The following FSTL4 variants were observed in gnomAD, a reference collection of about 807,000 sequenced individuals.
FSTL4 encodes the protein follistatin like 4.
FSTL4 carries 28 observed loss-of-function variants against 78.2 expected under a neutral mutation model. The ratio of observed to expected loss-of-function variants is 0.36; its 90% confidence interval spans 0.27 to 0.49. The LOEUF (loss-of-function observed/expected upper bound fraction) is 0.49. Among genes scored for constraint, FSTL4 ranks in the 20% least tolerant of loss-of-function variants. The pLI, the probability that FSTL4 is intolerant of heterozygous loss-of-function variation, is 0.98. For synonymous variants in FSTL4, 422 were observed against 440.5 expected (o/e 0.96, Z 0.53); for missense variants, 922 against 1,084.9 (o/e 0.85, Z 2.11).
chr5:133,387,186 C>A (rs1364671173), intron 4 of FSTL4, among the ~76,000 whole-genome samples: 1 of 152,178 alleles, frequency 6.6e-6, no homozygotes, highest in Non-Finnish European at 1.5e-5. Context: ...CAGGTCAAGC[C>A]CCACTCCCTG....
intron 6 of FSTL4, among the ~76,000 whole-genome samples, chr5:133,263,060 TGACTG>T (rs1188556379): frequency 3.9e-5 from 6 of 152,114 alleles, no homozygotes; most frequent in African/African-American, 1.4e-4. Context: ...CCAACAGGCT[TGACTG>T]GATGGGGAGA....
At chr5:133,772,373 C>A in the FSTL4 span, among the ~76,000 whole-genome samples, 1 of 152,116 alleles carries the variant, frequency 6.6e-6, no homozygotes, top group Non-Finnish European at 1.5e-5. Context: ...GTGCAAAATG[C>A]AAGAATCCAA....
chr5:133,315,629 C>G (rs1753885487), intron 5 of FSTL4, among the ~76,000 whole-genome samples: 1 of 152,334 alleles, frequency 6.6e-6, no homozygotes, highest in African/African-American at 2.4e-5. Flanking sequence ...CACCGCCCCC[C>G]ACCACCCAAC....
chr5:133,284,174 GA>G (rs1753074771), intron 6 of FSTL4, among the ~76,000 whole-genome samples: 1 of 152,190 alleles, frequency 6.6e-6, no homozygotes, highest in Admixed American at 6.5e-5. Flanking sequence ...ACAGATGTGG[GA>G]GGGGGCTGCC....
chr5:133,232,191 A>G (rs1011535104), intron 8 of FSTL4, among the ~76,000 whole-genome samples: 4 of 152,142 alleles, frequency 2.6e-5, no homozygotes, highest in Admixed American at 6.5e-5. Context: ...CATCTCTGGG[A>G]GGTCTGGGCT....
chr5:133,239,532 C>T (rs1333041068), intron 7 of FSTL4, among the ~76,000 whole-genome samples: 2 of 152,192 alleles, frequency 1.3e-5, no homozygotes, highest in Non-Finnish European at 2.9e-5. Flanking sequence ...GAATCAGCAC[C>T]CTGTGTCTAG....
intron 4 of FSTL4, among the ~76,000 whole-genome samples, chr5:133,385,160 C>T (rs1000059100): frequency 8.5e-5 from 13 of 152,216 alleles, no homozygotes; most frequent in African/African-American, 2.9e-4. Flanking sequence ...GCCACCGGGC[C>T]CTCGACTAGG....
chr5:133,675,201 G>C, the FSTL4 span, among the ~76,000 whole-genome samples: 1 of 152,128 alleles, frequency 6.6e-6, no homozygotes, highest in Non-Finnish European at 1.5e-5. Context: ...GACAGGAAAA[G>C]CACCAGGGCA....
Position 133,245,337 on chromosome 5 carries a change from T to G in FSTL4, c.894+4073A>C, listed in dbSNP as rs17166440. 6.1e-3 allele frequency among the ~76,000 whole-genome samples: 933 copies of G among 152,278 alleles called. 12 individuals are homozygous for G. Among genetic ancestry groups the G allele is most frequent in the African/African-American group, 0.022 (898 of 41,544 alleles). Reference sequence around the variant, plus strand: ...TTATGTGAACTCCCTCTTGGATGCATGTTTAATCTTAGGCTGGAAAAGGCG... The same window carrying G: ...TTATGTGAACTCCCTCTTGGATGCAGGTTTAATCTTAGGCTGGAAAAGGCG... On this transcript the variant is annotated intron_variant, in intron 7 of 15. Coordinates refer to ENST00000265342, the MANE Select transcript of FSTL4 (RefSeq NM_015082.2).
At chr5:133,431,931 A>G (rs569939403) in intron 3 of FSTL4, among the ~76,000 whole-genome samples, 1 of 152,330 alleles carries the variant, frequency 6.6e-6, no homozygotes, top group Non-Finnish European at 1.5e-5. Context: ...GATACATTGG[A>G]ACCATTTTAT....
At chr5:133,615,585 A>T (rs562049115), upstream of FSTL4, among the ~76,000 whole-genome samples, 1 of 152,302 alleles carries the variant, frequency 6.6e-6, no homozygotes, top group East Asian at 1.9e-4. Context: ...TTTTGCCTGT[A>T]TTTATAGAAG....
rs1430791390 is a variant in FSTL4 at position 133,277,623 on chromosome 5, C to T, written c.728-28047G>A. Among the ~76,000 whole-genome samples, 4 of 152,222 alleles carry T rather than the reference C, an allele frequency of 2.6e-5. No individual in the cohort carries two copies. In the South Asian group the frequency reaches 8.3e-4, roughly 32 times the overall value. ...TTCCCCATCAGCTTCCTTCTCTCTGCCCCTGGGCAAGTCCTGGGAGGAGCC... is the reference window on the plus strand; with the variant it reads ...TTCCCCATCAGCTTCCTTCTCTCTGTCCCTGGGCAAGTCCTGGGAGGAGCC... On this transcript the variant is annotated intron_variant, in intron 6 of 15. Transcript: ENST00000265342.
At chr5:133,410,533 G>A (rs1756457821) in intron 3 of FSTL4, among the ~76,000 whole-genome samples, 1 of 152,188 alleles carries the variant, frequency 6.6e-6, no homozygotes. Context: ...GAGTTACTCT[G>A]TGAGCCGCCG....
chr5:133,572,481 C>CAA (rs55829059), intron 2 of FSTL4, among the ~76,000 whole-genome samples: 3 of 151,438 alleles, frequency 2.0e-5, no homozygotes, highest in Non-Finnish European at 2.9e-5. Context: ...GATATTTAGA[C>CAA]AAAAAAACCC....
chr5:133,252,624 C>CGA (rs1752287482), intron 6 of FSTL4, among the ~76,000 whole-genome samples: 1 of 71,838 alleles, frequency 1.4e-5, no homozygotes, highest in Non-Finnish European at 2.3e-5. Context: ...GACAGGGAGA[C>CGA]GAGGCAGGTC....
At chr5:133,414,325 A>C (rs1355621277) in intron 3 of FSTL4, among the ~76,000 whole-genome samples, 2 of 151,998 alleles carry the variant, frequency 1.3e-5, no homozygotes, top group Non-Finnish European at 2.9e-5. Context: ...GACTGGGTGG[A>C]TTTCTTTCTT....
At chr5:133,351,696 C>T (rs1166578095) in intron 4 of FSTL4, among the ~76,000 whole-genome samples, 1 of 152,122 alleles carries the variant, frequency 6.6e-6, no homozygotes, top group Non-Finnish European at 1.5e-5. Flanking sequence ...CAACCTTCAC[C>T]TCCTGGGTTC....
intron 13 of FSTL4, among the ~76,000 whole-genome samples, chr5:133,211,198 G>T (rs1750700879): frequency 6.6e-6 from 1 of 152,088 alleles, no homozygotes; most frequent in South Asian, 2.1e-4. Flanking sequence ...CTTCTCCTAT[G>T]GCCCTGTCAA....
the FSTL4 span, among the ~76,000 whole-genome samples, chr5:133,654,949 T>C: frequency 5.3e-5 from 8 of 152,192 alleles, no homozygotes; most frequent in African/African-American, 1.7e-4. Context: ...AACTTCCCTA[T>C]GCTACAACAC....
Sources: gnomAD v4.1 joint callset for allele counts (sites outside exome capture counted in the v4.1 genomes callset) on GRCh38, gnomAD v4.1.1 for gene constraint, MANE v1.5 for transcripts, NCBI Gene and HGNC (gene_info 2026-07-23, HGNC 2026-07-21) for gene names.